The following BPIFB6 variants were observed in gnomAD, a reference collection of about 807,000 sequenced individuals.
The protein encoded by BPIFB6 is BPI fold-containing family B member 6.
BPIFB6 carries 47 observed loss-of-function variants against 54.7 expected under a neutral mutation model. The ratio of observed to expected loss-of-function variants is 0.86; its 90% CI spans 0.68 to 1.10. The LOEUF is 1.10. BPIFB6 is among the 50% of genes least tolerant of loss of function. BPIFB6 has a pLI of 0.00. For synonymous variants in BPIFB6, 255 were observed against 225.9 expected (o/e 1.13, Z -1.16); for missense variants, 603 against 564.1 (o/e 1.07, Z -0.70).
In BPIFB6 at chr20:33,041,957, C is replaced by T; in HGVS notation, c.1143-13C>T. 6.2e-7 allele frequency: 1 copy of T among 1,613,984 alleles called. No homozygotes were observed. The highest frequency in any genetic ancestry group is 8.5e-7 in the Non-Finnish European group (1 of 1,179,912). ...CCCCTCCCCGCCTGGCTTGCTTCCC[C>T]ACTCCCCCACAGATTACTGAGCTTG... On this transcript the variant is annotated splice_polypyrimidine_tract_variant and intron_variant, in intron 11 of 14. Coordinates refer to ENST00000349552, the MANE Select transcript of BPIFB6 (RefSeq NM_174897.2).
chr20:33,043,490 T>A, intron 14 of BPIFB6, 123 bp downstream of exon 14: 1 of 855,562 alleles, frequency 1.2e-6, no homozygotes, highest in Non-Finnish European at 1.9e-6. Flanking sequence ...GCCATCAATA[T>A]AATCCTGCCC....
chr20:33,044,085 C>T (rs1173723247), downstream of BPIFB6: 22 of 1,613,156 alleles, frequency 1.4e-5, no homozygotes, highest in Non-Finnish European at 1.8e-5. Flanking sequence ...CTGCTTACCA[C>T]CAACCACCTG....
chr20:33,039,366 A>G lies in BPIFB6; in HGVS notation c.920A>G (p.Lys307Arg), dbSNP rs1467398645. 1.9e-6 allele frequency: 3 copies of G among 1,612,544 alleles called. No homozygotes were observed. The highest frequency in any genetic ancestry group is 2.5e-6 in the Non-Finnish European group (3 of 1,179,564). The change falls in exon 10 of 15, where the codon AAG becomes AGG. Residue 307 changes from lysine to arginine, a missense_variant. Physicochemically the swap from Lys to Arg is conservative, Grantham distance 26. Coordinates refer to ENST00000349552, the MANE Select transcript of BPIFB6 (RefSeq NM_174897.2). ...FIPEVAVAYPKSKPLTTQIKI... is the reference protein window; with the variant it reads ...FIPEVAVAYPRSKPLTTQIKI... ...CTGTAGGTGGCTGTAGCTTATCCCA[A>G]GTCAAAGCCCTTGACGACCCAGATC...
At position 33,036,495 on chromosome 20, in the gene BPIFB6, G is replaced by T. The variant is rs145056603; in HGVS notation, c.628G>T (p.Ala210Ser). The change falls in exon 7 of 15, where the codon GCA becomes TCA. Residue 210 changes from alanine to serine, a missense_variant. Physicochemically the swap from Ala to Ser is moderately conservative, Grantham distance 99. Transcript: ENST00000349552. ...CACCGTCAAATATGTTCTGATGTCCGCACCAGCCACCACAGCCAGCTACAT... is the reference window on the plus strand; with the variant it reads ...CACCGTCAAATATGTTCTGATGTCCTCACCAGCCACCACAGCCAGCTACAT... ...MGTVKYVLMS[A>S]PATTASYIQL... 4 of 1,613,990 alleles carry T rather than the reference G, an allele frequency of 2.5e-6. No homozygotes were observed. The African/African-American group carries it at 4.0e-5, about 16-fold the overall frequency.
chr20:33,041,888 A>G (rs1600527633), intron 11 of BPIFB6, 82 bp from the exon 12 acceptor site: 3 of 1,309,618 alleles, frequency 2.3e-6, no homozygotes, highest in Admixed American at 1.7e-5. Context: ...GGTGCTTGGG[A>G]CCCCCTTCTC....
rs200744732 is a variant in BPIFB6, at chr20:33,035,132, C to T, written c.504C>T (p.Val168=). The T allele has an allele frequency of 2.0e-5, 32 of 1,613,896 alleles. No homozygotes were observed. In the East Asian group the frequency reaches 6.9e-4, roughly 35 times the overall value. The change falls in exon 5 of 15, where the codon GTC becomes GTT. Residue 168 remains valine, a synonymous_variant. Coordinates refer to ENST00000349552, the MANE Select transcript of BPIFB6 (RefSeq NM_174897.2). The part of the protein sequence containing the change: ...NKFLDSTLHK[V]LPGLMCPAID... ...TCCTGGACAGCACCCTGCACAAAGT[C>T]CTCCCTGGGCTGGTGAGTGACCCAG...
rs138157355 is a variant in BPIFB6 at position 33,036,474 on chromosome 20, G to A, written c.607G>A (p.Val203Ile). Residue 203 changes from valine to isoleucine, a missense_variant, in exon 7 of 15, where the codon GTC becomes ATC. By Grantham distance (29) the Val-to-Ile change is conservative. Coordinates refer to ENST00000349552, the MANE Select transcript of BPIFB6 (RefSeq NM_174897.2). The part of the protein sequence containing the change: ...DPMPVGQMGT[V>I]KYVLMSAPAT... ...CATGCCTGTGGGCCAGATGGGCACC[G>A]TCAAATATGTTCTGATGTCCGCACC... The A allele has an allele frequency of 1.1e-4, 181 of 1,614,020 alleles. 1 individual carries two copies. Among genetic ancestry groups the A allele is most frequent in the Middle Eastern group, 1.6e-4 (1 of 6,062 alleles).
chr20:33,040,148 T>C, intron 10 of BPIFB6, 103 bp from the exon 11 acceptor site: 2 of 1,038,528 alleles, frequency 1.9e-6, no homozygotes, highest in Non-Finnish European at 3.0e-6. Flanking sequence ...CTGCTTTGTC[T>C]TGGCAATGGT....
chr20:33,043,818 G>T (rs572771069), intron 14 of BPIFB6, among the ~76,000 whole-genome samples, 197 bp from the exon 15 acceptor site: 2 of 152,280 alleles, frequency 1.3e-5, no homozygotes, highest in African/African-American at 4.8e-5. Flanking sequence ...GGGGGTGCTT[G>T]TCCTCACTTA....
chr20:33,034,313 A>G (rs1405450638), intron 3 of BPIFB6, 23 bp downstream of exon 3: 23 of 1,531,026 alleles, frequency 1.5e-5, no homozygotes, highest in Non-Finnish European at 2.1e-5. Context: ...GGGGAGGGGC[A>G]GCGGGGAGGA....
chr20:33,039,886 A>G (rs1979504601), intron 10 of BPIFB6, among the ~76,000 whole-genome samples: 2 of 152,208 alleles, frequency 1.3e-5, no homozygotes, highest in Non-Finnish European at 2.9e-5. Context: ...GTTGAGCAGG[A>G]GCTTGCCAGA....
intron 1 of BPIFB6, 115 bp from the exon 2 acceptor site, chr20:33,032,869 C>A: frequency 1.3e-6 from 1 of 770,248 alleles, no homozygotes; most frequent in Non-Finnish European, 2.2e-6. Flanking sequence ...TGGGACTCAT[C>A]TCTGGGTCTC....
rs752557415 is a variant in BPIFB6, at chr20:33,039,479, T to A, written c.1033T>A (p.Trp345Arg). The change falls in exon 10 of 15, where the codon TGG becomes AGG. Residue 345 changes from tryptophan to arginine, a missense_variant. Coordinates refer to ENST00000349552, the MANE Select transcript of BPIFB6 (RefSeq NM_174897.2). Reference protein sequence around the residue: ...HSTLEMFAARWRSKAPMSLFL... With the variant: ...HSTLEMFAARRRSKAPMSLFL... ...CACCCTGGAGATGTTCGCAGCTCGGTGGCGGAGCAAGGCTCCAATGTCCCT... is the reference window on the plus strand; with the variant it reads ...CACCCTGGAGATGTTCGCAGCTCGGAGGCGGAGCAAGGCTCCAATGTCCCT... 6.8e-6 allele frequency: 11 copies of A among 1,613,810 alleles called. No individual in the cohort carries two copies. Among genetic ancestry groups the A allele is most frequent in the Non-Finnish European group, 9.3e-6 (11 of 1,179,878 alleles).
intron 6 of BPIFB6, 135 bp from the exon 7 acceptor site, chr20:33,036,308 CAG>C (rs770137309): frequency 3.7e-5 from 26 of 696,638 alleles, no homozygotes; most frequent in Non-Finnish European, 6.7e-5. Context: ...GATGAAGTTA[CAG>C]AGGCCCAGAA....
Position 33,036,521 on chromosome 20 carries a change from C to A in BPIFB6, c.654C>A (p.Ile218=). 6.2e-7 allele frequency: 1 copy of A among 1,614,168 alleles called. No homozygotes were observed. The highest frequency in any genetic ancestry group is 1.1e-5 in the South Asian group (1 of 91,084). Residue 218 remains isoleucine (I), a synonymous_variant, in exon 7 of 15, where the codon ATC becomes ATA. Transcript: ENST00000349552. ...MSAPATTASY[I]QLDFSPVVQQ... The stretch of plus-strand genomic sequence containing the variant: ...CACCAGCCACCACAGCCAGCTACAT[C>A]CAACTGGACTTCAGTGTAAGCGCCT...
rs367627026 is a variant in BPIFB6, at chr20:33,038,012, C to A, written c.846+274C>A. ...ATGTCTTGGTCATCCATCCACCTTCCTTTTGTCCAAGCAACACCCACCCAC... is the reference window on the plus strand; with the variant it reads ...ATGTCTTGGTCATCCATCCACCTTCATTTTGTCCAAGCAACACCCACCCAC... On this transcript the variant is annotated intron_variant, in intron 8 of 14. Coordinates refer to ENST00000349552, the MANE Select transcript of BPIFB6 (RefSeq NM_174897.2). 2.6e-4 allele frequency among the ~76,000 whole-genome samples: 40 copies of A among 152,302 alleles called. 3 individuals carry two copies. The South Asian group carries it at 7.7e-3, about 29-fold the overall frequency.
At position 33,041,421 on chromosome 20, in the gene BPIFB6, G is replaced by A. The variant is rs533151102; in HGVS notation, c.1143-549G>A. 3.3e-5 allele frequency among the ~76,000 whole-genome samples: 5 copies of A among 152,200 alleles called. No homozygotes were observed. The South Asian group carries it at 1.0e-3, about 32-fold the overall frequency. ...TGACTAAATTCTCAGGCAGCTTCTGGGTCATAGACTCACCCGAGGGACTTT... is the reference window on the plus strand; with the variant it reads ...TGACTAAATTCTCAGGCAGCTTCTGAGTCATAGACTCACCCGAGGGACTTT... On this transcript the variant is annotated intron_variant, in intron 11 of 14. Transcript: ENST00000349552.
rs1600523053 is a variant in BPIFB6, at chr20:33,034,184, A to T, written c.198-2A>T. 1.2e-6 allele frequency: 2 copies of T among 1,610,218 alleles called. No individual in the cohort carries two copies. The highest frequency in any genetic ancestry group is 2.2e-5 in the South Asian group (2 of 90,990). On this transcript the variant is annotated splice_acceptor_variant, in intron 2 of 14. Coordinates refer to ENST00000349552, the MANE Select transcript of BPIFB6 (RefSeq NM_174897.2). LOFTEE classifies it high-confidence loss of function. The stretch of plus-strand genomic sequence containing the variant: ...TTGGTGTGGCTGCCTGTCCCTTCCC[A>T]GTTTGAAGGTGAAGGATGTCCAGCT...
chr20:33,035,100 A>G lies in BPIFB6; in HGVS notation c.472A>G (p.Asn158Asp). ...ATCTAGCATGCTCCCCAAGATGGTC[A>G]ACAAGTTCCTGGACAGCACCCTGCA... ...LPSNMLPKMV[N>D]KFLDSTLHKV... The change falls in exon 5 of 15, where the codon AAC becomes GAC. Residue 158 changes from asparagine (N) to aspartate (D), a missense_variant. Coordinates refer to ENST00000349552, the MANE Select transcript of BPIFB6 (RefSeq NM_174897.2). 6.2e-7 allele frequency: 1 copy of G among 1,613,920 alleles called. No individual in the cohort carries two copies. Among genetic ancestry groups the G allele is most frequent in the East Asian group, 2.2e-5 (1 of 44,866 alleles).
Sources: allele counts gnomAD v4.1 joint callset (sites outside exome capture counted in the v4.1 genomes callset), GRCh38; gene constraint gnomAD v4.1.1; transcripts MANE v1.5; gene names NCBI Gene and HGNC (gene_info 2026-07-23, HGNC 2026-07-21).